The following IPO8 variants were observed in gnomAD, a reference collection of about 807,000 sequenced individuals.
The protein encoded by IPO8 is importin 8.
Under a neutral mutation model 141.2 loss-of-function variants are expected in IPO8, and 65 were observed. The ratio of observed to expected loss-of-function variants is 0.46; its 90% confidence interval spans 0.38 to 0.57. The LOEUF (loss-of-function observed/expected upper bound fraction) is 0.57. Among genes scored for constraint, IPO8 ranks in the 20% least tolerant of loss-of-function variants. The pLI is 0.00. For synonymous variants in IPO8, 411 were observed against 420.3 expected (o/e 0.98, Z 0.27); for missense variants, 980 against 1,246.8 (o/e 0.79, Z 3.22).
At chr12:30,645,330 G>A (rs1251633941) in intron 20 of IPO8, among the ~76,000 whole-genome samples, 2 of 149,138 alleles carry the variant, frequency 1.3e-5, no homozygotes, top group African/African-American at 5.0e-5. Flanking sequence ...CCAAGATTGC[G>A]CCACTGCACT....
In IPO8 at chr12:30,634,201, C is replaced by A. The variant is rs1387988119; in HGVS notation, c.2781G>T (p.Glu927Asp). The part of the protein sequence containing the change: ...SNNGRGEDEE[E>D]EDDDWDEEVL... ...CTTCTTCATCCCAGTCATCATCTTC[C>A]TCCTCCTCATCTTCACCTCTTCCAT... is the stretch of plus-strand genomic sequence containing the variant. The change falls in exon 23 of 25, where the codon GAG becomes GAT. Residue 927 changes from glutamate to aspartate, a missense_variant. By Grantham distance (45) the Glu-to-Asp change is conservative. Transcript: ENST00000256079. The A allele has an allele frequency of 3.7e-6, 6 of 1,613,244 alleles. No homozygotes were observed. The highest frequency in any genetic ancestry group is 5.1e-6 in the Non-Finnish European group (6 of 1,179,266).
intron 14 of IPO8, 29 bp downstream of exon 14, chr12:30,663,457 GAGA>G: frequency 6.4e-7 from 1 of 1,553,450 alleles, no homozygotes; most frequent in South Asian, 1.2e-5. Context: ...GAAATTATTT[GAGA>G]AGATGTCTAA....
At chr12:30,661,308 GT>G in intron 15 of IPO8, 42 bp from the exon 16 acceptor site, 1 of 1,513,594 alleles carries the variant, frequency 6.6e-7, no homozygotes. Context: ...TAGTAGTACT[GT>G]TACGTCCCCG....
chr12:30,689,997 T>G (rs1340392656), intron 2 of IPO8, among the ~76,000 whole-genome samples: 1 of 152,188 alleles, frequency 6.6e-6, no homozygotes, highest in Non-Finnish European at 1.5e-5. Flanking sequence ...ATGTACAACA[T>G]CATGAAACAA....
Position 30,649,225 on chromosome 12 carries a change from C to T in IPO8, c.2180G>A (p.Cys727Tyr), listed in dbSNP as rs1233597655. 1 of 1,611,612 alleles carries T rather than the reference C, an allele frequency of 6.2e-7. No homozygotes were observed. Among genetic ancestry groups the T allele is most frequent in the African/African-American group, 1.3e-5 (1 of 74,844 alleles). Reference sequence around the variant, plus strand: ...CTCTGCATCTTCTCCTGCATCTCCACATAGTACCTGCAGTAATTACAATTT... The same window carrying T: ...CTCTGCATCTTCTCCTGCATCTCCATATAGTACCTGCAGTAATTACAATTT... ...ILFTMCRKVL[C>Y]GDAGEDAECH... Residue 727 changes from cysteine to tyrosine, a missense_variant, in exon 20 of 25, where the codon TGT becomes TAT. Physicochemically the swap from Cys to Tyr is radical, Grantham distance 194 (BLOSUM62 -2). This residue lies in a region of IPO8 where 924 missense variants were observed against 1,153.9 expected (regional missense o/e 0.80). Coordinates refer to ENST00000256079, the MANE Select transcript of IPO8 (RefSeq NM_006390.4).
chr12:30,695,447 A>G lies in IPO8; in HGVS notation c.84+117T>C. The G allele has an allele frequency of 1.2e-6, 1 of 807,974 alleles. No homozygotes were observed. Among genetic ancestry groups the G allele is most frequent in the Non-Finnish European group, 2.0e-6 (1 of 491,496 alleles). The allele number at this position is 807,974 out of a possible 1,614,324, so 50.1% of individuals were successfully genotyped here. A position where few individuals can be genotyped will look rare whatever the true frequency, so the allele number is the denominator to read the frequency against. On this transcript the variant is annotated intron_variant, in intron 1 of 24. Transcript: ENST00000256079. This position sits in a 1 kb window ranked among gnomAD's most constrained non-coding sequence, Gnocchi z 4.2. ...GGGTCGGAGAGCGGGACCAGCCGTG[A>G]GGCGTCAGCCCCAGCCCGGTGGGGG...
At chr12:30,657,157 G>C (rs956530323) in intron 16 of IPO8, among the ~76,000 whole-genome samples, 2 of 151,942 alleles carry the variant, frequency 1.3e-5, no homozygotes, top group East Asian at 1.9e-4. Context: ...ATTTTGCATG[G>C]GGCATGGGGA....
chr12:30,662,211 G>T, intron 15 of IPO8, 116 bp downstream of exon 15: 2 of 763,828 alleles, frequency 2.6e-6, no homozygotes, highest in South Asian at 1.8e-5. Context: ...GTCATTGACT[G>T]AAATGTTGTT....
At chr12:30,654,323 T>A (rs1313021849) in intron 17 of IPO8, among the ~76,000 whole-genome samples, 1 of 151,268 alleles carries the variant, frequency 6.6e-6, no homozygotes, top group Non-Finnish European at 1.5e-5. Flanking sequence ...TTTTTTTTTT[T>A]ATATGAGGAT....
Position 30,670,985 on chromosome 12 carries a change from T to C in IPO8, c.1021A>G (p.Lys341Glu). 6.2e-7 allele frequency: 1 copy of C among 1,613,698 alleles called. No homozygotes were observed. The highest frequency in any genetic ancestry group is 2.2e-5 in the East Asian group (1 of 44,854). ...NQGVVHSITW[K>E]QMKPHIQNIS... is the part of the protein sequence containing the mutation. ...ACCTGTATGTGTGGCTTCATCTGCT[T>C]CCAGGTTATAGAATGAACCACCCCT... Residue 341 changes from lysine (K) to glutamate (E), a missense_variant, in exon 9 of 25, where the codon AAG (lysine) becomes GAG (glutamate). Physicochemically the swap from Lys to Glu is moderately conservative, Grantham distance 56. Transcript: ENST00000256079.
In IPO8 at chr12:30,676,605, A is replaced by C; in HGVS notation, c.640-18T>G. 1.3e-6 allele frequency: 2 copies of C among 1,557,608 alleles called. No individual in the cohort carries two copies. Among genetic ancestry groups the C allele is most frequent in the Non-Finnish European group, 1.8e-6 (2 of 1,128,646 alleles). ...AATGCATACTGGAAAAGAGAAGAAC[A>C]ACATGAACAGTAATTCCTCCCATCC... On this transcript the variant is annotated intron_variant, in intron 5 of 24. Coordinates refer to ENST00000256079, the MANE Select transcript of IPO8 (RefSeq NM_006390.4).
At chr12:30,648,778 G>A (rs2052683786) in intron 20 of IPO8, among the ~76,000 whole-genome samples, 2 of 151,826 alleles carry the variant, frequency 1.3e-5, no homozygotes, top group Non-Finnish European at 2.9e-5. Context: ...TTTTTCTATA[G>A]TACCTTAATT....
intron 20 of IPO8, among the ~76,000 whole-genome samples, chr12:30,647,667 A>G (rs930326090): frequency 4.6e-5 from 7 of 151,208 alleles, no homozygotes; most frequent in Admixed American, 4.6e-4. Flanking sequence ...AAATTAATGG[A>G]CATCATCAAA....
chr12:30,672,615 G>GA (rs1473010259), intron 8 of IPO8, among the ~76,000 whole-genome samples: 1 of 151,616 alleles, frequency 6.6e-6, no homozygotes, highest in African/African-American at 2.4e-5. Flanking sequence ...TTATGACACT[G>GA]AAAAAACAAT....
intron 2 of IPO8, among the ~76,000 whole-genome samples, chr12:30,687,698 G>C (rs1355031991): frequency 2.0e-5 from 3 of 152,114 alleles, no homozygotes; most frequent in Admixed American, 6.6e-5. Flanking sequence ...TAAAATGCAT[G>C]AATGTTAATA....
chr12:30,631,486 A>G (rs565873891), intron 24 of IPO8: 1 of 165,462 alleles, frequency 6.0e-6, no homozygotes, highest in South Asian at 1.8e-4. Flanking sequence ...ATAAAGCCCA[A>G]CAATGAGAAA....
intron 20 of IPO8, among the ~76,000 whole-genome samples, chr12:30,647,603 CAAAAAAAAAAAAA>C (rs34098076): frequency 7.4e-5 from 3 of 40,788 alleles, no homozygotes; most frequent in Admixed American, 6.2e-4. Context: ...AGACCGTCTC[CAAAAAAAAAAAAA>C]AAAAAAAAAG....
intron 2 of IPO8, chr12:30,688,789 C>CA (rs1412090135): frequency 6.5e-6 from 1 of 153,250 alleles, no homozygotes; most frequent in Non-Finnish European, 1.5e-5. Context: ...TAAGCAAAAG[C>CA]AACTTAGTGA....
Position 30,639,584 on chromosome 12 carries a change from G to A in IPO8, c.2420C>T (p.Pro807Leu). 6.2e-7 allele frequency: 1 copy of A among 1,614,064 alleles called. No homozygotes were observed. The highest frequency in any genetic ancestry group is 8.5e-7 in the Non-Finnish European group (1 of 1,179,970). ...LLHTLERIQL[P>L]HNPGPITVQF... ...TACAGTGATAGGTCCAGGGTTGTGA[G>A]GCAACTGAATTCGTTCTAAAGTATG... The change falls in exon 21 of 25, where the codon CCT becomes CTT. Residue 807 changes from proline (P) to leucine (L), a missense_variant. By Grantham distance (98) the Pro-to-Leu change is moderately conservative. Transcript: ENST00000256079.
Sources: allele counts gnomAD v4.1 joint callset (sites outside exome capture counted in the v4.1 genomes callset), GRCh38; gene constraint gnomAD v4.1.1; regional missense constraint gnomAD v4.1.1; non-coding constraint Gnocchi (gnomAD v3.1); transcripts MANE v1.5; gene names NCBI Gene and HGNC (gene_info 2026-07-23, HGNC 2026-07-21).